Variants in NELL1 observed in about 807,000 individuals in gnomAD.
The protein encoded by NELL1 is protein kinase C-binding protein NELL1.
NELL1 carries 76 observed loss-of-function variants against 107.4 expected under a neutral mutation model. The ratio of observed to expected loss-of-function variants is 0.71; its 90% CI spans 0.59 to 0.86. The LOEUF (loss-of-function observed/expected upper bound fraction) is 0.86, where lower values mean the gene tolerates loss of function less well. NELL1 is among the 40% of genes least tolerant of loss of function. The pLI is 0.00. For missense variants in NELL1, 1,024 were observed against 1,005.5 expected (o/e 1.02, Z -0.25); for synonymous variants, 353 against 341.2 (o/e 1.03, Z -0.38).
intron 12 of NELL1, chr11:21,000,787 G>T (rs1206106450): frequency 1.3e-5 from 2 of 152,192 alleles, no homozygotes; most frequent in Non-Finnish European, 2.9e-5. Flanking sequence ...CCCATGGGTG[G>T]AAGCCCACAT....
At chr11:20,718,744 C>T (rs1379063951) in intron 2 of NELL1, among the ~76,000 whole-genome samples, 2 of 152,134 alleles carry the variant, frequency 1.3e-5, no homozygotes, top group African/African-American at 4.8e-5. Flanking sequence ...GAACTTAAGG[C>T]TCTAGAACTC....
intron 17 of NELL1, among the ~76,000 whole-genome samples, chr11:21,569,427 C>A (rs1307866419): frequency 6.6e-6 from 1 of 151,178 alleles, no homozygotes; most frequent in Non-Finnish European, 1.5e-5. Flanking sequence ...ATGCATGACA[C>A]AAGATAAGTA....
rs1183389255 is a variant in NELL1, at chr11:21,453,146, A to G, written c.1646-81228A>G. ...ATATTTTGGTCAATAGTGTTGTTCA[A>G]GTCTTCCATATTATTGCTCATTTAT... On this transcript the variant is annotated intron_variant, in intron 15 of 19. Transcript: ENST00000357134. Among the ~76,000 whole-genome samples the G allele has an allele frequency of 2.6e-5, 4 of 151,862 alleles. No individual in the cohort carries two copies. The South Asian group carries it at 8.3e-4, about 32-fold the overall frequency.
chr11:20,890,536 C>G (rs1019576488), intron 5 of NELL1, among the ~76,000 whole-genome samples: 1 of 152,014 alleles, frequency 6.6e-6, no homozygotes, highest in Non-Finnish European at 1.5e-5. Flanking sequence ...AAGCAGGCTT[C>G]AGAAGGTGGG....
At chr11:21,119,981 A>G (rs938222446) in intron 13 of NELL1, among the ~76,000 whole-genome samples, 1 of 152,138 alleles carries the variant, frequency 6.6e-6, no homozygotes, top group Non-Finnish European at 1.5e-5. Flanking sequence ...ACGGGTAGGC[A>G]TTCATTTTTA....
chr11:20,680,018 C>T (rs750534053), intron 2 of NELL1, among the ~76,000 whole-genome samples: 1 of 152,230 alleles, frequency 6.6e-6, no homozygotes, highest in Non-Finnish European at 1.5e-5. Flanking sequence ...GCTACAACAA[C>T]TGGGAGGGAT....
chr11:21,551,862 C>A (rs543151771), intron 16 of NELL1, among the ~76,000 whole-genome samples: 3 of 150,398 alleles, frequency 2.0e-5, no homozygotes, highest in East Asian at 4.0e-4. Context: ...GCACTATTCA[C>A]AATAGCAAAG....
chr11:20,806,827 T>C (rs1857394932), intron 3 of NELL1, among the ~76,000 whole-genome samples: 1 of 152,202 alleles, frequency 6.6e-6, no homozygotes, highest in Admixed American at 6.5e-5. Flanking sequence ...AATTCTGCTA[T>C]TAAAATACTT....
intron 13 of NELL1, among the ~76,000 whole-genome samples, chr11:21,161,563 C>T (rs1045472933): frequency 1.1e-4 from 16 of 151,948 alleles, no homozygotes; most frequent in African/African-American, 3.6e-4. Flanking sequence ...AATAGAACTG[C>T]TGCCATCTCT....
At chr11:21,230,772 A>G (rs528749182) in intron 14 of NELL1, among the ~76,000 whole-genome samples, 1 of 151,964 alleles carries the variant, frequency 6.6e-6, no homozygotes, top group Non-Finnish European at 1.5e-5. Context: ...AGGTAAGCAG[A>G]AAGCCTAATA....
intron 13 of NELL1, among the ~76,000 whole-genome samples, chr11:21,115,156 A>AT (rs1233559893): frequency 6.6e-6 from 1 of 151,974 alleles, no homozygotes; most frequent in East Asian, 1.9e-4. Flanking sequence ...GGTGGTTTAT[A>AT]TATGGAACAA....
intron 15 of NELL1, chr11:21,383,929 T>A (rs549373684): frequency 6.6e-6 from 1 of 152,012 alleles, no homozygotes; most frequent in East Asian, 1.9e-4. Flanking sequence ...TTCTTCTAAG[T>A]CTTCTTTCAT....
intron 13 of NELL1, among the ~76,000 whole-genome samples, chr11:21,141,000 A>G (rs1405215343): frequency 9.2e-5 from 14 of 152,214 alleles, no homozygotes; most frequent in Admixed American, 8.5e-4. Context: ...CCTGCAAAGT[A>G]GTCTGCCTGT....
chr11:20,963,315 G>T (rs1851325956), intron 12 of NELL1, among the ~76,000 whole-genome samples: 1 of 151,980 alleles, frequency 6.6e-6, no homozygotes, highest in Non-Finnish European at 1.5e-5. Context: ...TTATTTTTCA[G>T]ACCCAGGTTA....
chr11:21,204,076 C>T (rs1331166877), intron 13 of NELL1, among the ~76,000 whole-genome samples: 2 of 152,096 alleles, frequency 1.3e-5, no homozygotes, highest in Non-Finnish European at 2.9e-5. Context: ...GTGAATCTGA[C>T]AATTATGTGT....
intron 12 of NELL1, among the ~76,000 whole-genome samples, chr11:21,045,238 AG>A (rs1400406029): frequency 2.0e-5 from 3 of 152,052 alleles, no homozygotes; most frequent in Non-Finnish European, 4.4e-5. Flanking sequence ...GAATCGTAAA[AG>A]GTTTTAGGTG....
chr11:20,726,406 A>C (rs2133915994), intron 2 of NELL1, among the ~76,000 whole-genome samples: 1 of 152,278 alleles, frequency 6.6e-6, no homozygotes, highest in South Asian at 2.1e-4. Flanking sequence ...CTCTGGACTA[A>C]GAAATACAAT....
Position 21,082,547 on chromosome 11 carries a change from T to TC in NELL1, c.1301-31041dup, listed in dbSNP as rs377409307. 4.6e-3 allele frequency among the ~76,000 whole-genome samples: 708 copies of TC among 152,278 alleles called. 11 individuals carry two copies. Among genetic ancestry groups the TC allele is most frequent in the African/African-American group, 0.016 (683 of 41,560 alleles). ...CTCTCTATACTGTTAAATTCATTTT[T>TC]CTAAAATACAGCCCAAATCCAGGAA... On this transcript the variant is annotated intron_variant, in intron 12 of 19. Coordinates refer to ENST00000357134, the MANE Select transcript of NELL1 (RefSeq NM_006157.5).
rs573248956 is a variant in NELL1 at position 20,711,135 on chromosome 11, CT to C, written c.184+33076del. Among the ~76,000 whole-genome samples, 26 of 152,066 alleles carry C rather than the reference CT, an allele frequency of 1.7e-4. No homozygotes were observed. The East Asian group carries it at 4.8e-3, about 28-fold the overall frequency. On this transcript the variant is annotated intron_variant, in intron 2 of 19. Transcript: ENST00000357134. The stretch of plus-strand genomic sequence containing the variant: ...GACCTTAGATATTCTATTTGTGCTC[CT>C]GCAGACTTTTTGATGTAGGCATTTA...
Sources: allele counts gnomAD v4.1 joint callset (sites outside exome capture counted in the v4.1 genomes callset), GRCh38; gene constraint gnomAD v4.1.1; transcripts MANE v1.5; gene names NCBI Gene and HGNC (gene_info 2026-07-23, HGNC 2026-07-21).